Variants in DPP10 observed in about 807,000 individuals in gnomAD.
DPP10 encodes dipeptidyl peptidase like 10, also known as inactive dipeptidyl peptidase 10.
Under a neutral mutation model 120.9 loss-of-function variants are expected in DPP10, and 33 were observed. The observed-to-expected ratio is 0.27, with a 90% CI of 0.21 to 0.37. The LOEUF is 0.37. Among genes scored for constraint, DPP10 ranks in the 10% least tolerant of loss-of-function variants. DPP10 has a pLI of 1.00. For missense variants in DPP10, 816 were observed against 942.8 expected (o/e 0.87, Z 1.76); for synonymous variants, 337 against 326.1 (o/e 1.03, Z -0.36).
At chr2:114,851,071 C>T (rs1181022030) in intron 1 of DPP10, among the ~76,000 whole-genome samples, 2 of 152,166 alleles carry the variant, frequency 1.3e-5, no homozygotes, top group East Asian at 1.9e-4. Context: ...AATTTCGTAC[C>T]TTGACTCACT....
At chr2:114,452,456 C>G (rs112642633) in intron 1 of DPP10, among the ~76,000 whole-genome samples, 188 of 152,160 alleles carry the variant, frequency 1.2e-3, no homozygotes, top group African/African-American at 4.3e-3. Context: ...AATCATAAAA[C>G]TTTAAATATT....
chr2:115,834,423 G>T (rs1318565339), intron 21 of DPP10, among the ~76,000 whole-genome samples: 1 of 151,904 alleles, frequency 6.6e-6, no homozygotes, highest in Non-Finnish European at 1.5e-5. Flanking sequence ...CTCCCAAGAT[G>T]TTCTGATTTC....
At chr2:114,982,354 CA>C (rs938651251) in intron 1 of DPP10, among the ~76,000 whole-genome samples, 2 of 151,898 alleles carry the variant, frequency 1.3e-5, no homozygotes, top group Admixed American at 1.3e-4. Flanking sequence ...AGAGATTCTT[CA>C]ACTCTTCTTT....
intron 19 of DPP10, among the ~76,000 whole-genome samples, chr2:115,798,910 G>T (rs568977253): frequency 3.3e-5 from 5 of 151,964 alleles, no homozygotes; most frequent in African/African-American, 9.6e-5. Flanking sequence ...TGATCTAGCT[G>T]TAGCCTTCTT....
At chr2:115,581,706 C>A (rs1171013896) in intron 5 of DPP10, among the ~76,000 whole-genome samples, 1 of 151,996 alleles carries the variant, frequency 6.6e-6, no homozygotes, top group African/African-American at 2.4e-5. Flanking sequence ...AAGAAGACCC[C>A]CTGGTCATTT....
At chr2:115,209,508 A>G (rs1471911016) in intron 1 of DPP10, among the ~76,000 whole-genome samples, 1 of 152,166 alleles carries the variant, frequency 6.6e-6, no homozygotes, top group Non-Finnish European at 1.5e-5. Context: ...TAATAATCTC[A>G]TTCAGTTACC....
intron 1 of DPP10, among the ~76,000 whole-genome samples, chr2:114,566,138 A>C (rs953134669): frequency 1.3e-5 from 2 of 152,164 alleles, no homozygotes; most frequent in Non-Finnish European, 2.9e-5. Context: ...AATTATCAGA[A>C]GCGTTTTTTC....
chr2:114,949,965 A>G (rs1247361879), intron 1 of DPP10, among the ~76,000 whole-genome samples: 1 of 152,212 alleles, frequency 6.6e-6, no homozygotes, highest in Non-Finnish European at 1.5e-5. Flanking sequence ...TCCAGAGTAG[A>G]AAGCCACCAA....
intron 1 of DPP10, among the ~76,000 whole-genome samples, chr2:115,192,015 A>G (rs1559215200): frequency 6.6e-6 from 1 of 152,112 alleles, no homozygotes; most frequent in Non-Finnish European, 1.5e-5. Flanking sequence ...AACAGTTCAG[A>G]CTCTCAACAG....
At chr2:114,480,863 TAATAAA>T (rs1029987077) in intron 1 of DPP10, among the ~76,000 whole-genome samples, 19 of 150,832 alleles carry the variant, frequency 1.3e-4, no homozygotes, top group Non-Finnish European at 2.1e-4. Flanking sequence ...ATAATAATAA[TAATAAA>T]AAGTACACCC....
intron 1 of DPP10, among the ~76,000 whole-genome samples, chr2:115,060,282 G>A (rs918517884): frequency 6.6e-6 from 1 of 151,452 alleles, no homozygotes; most frequent in African/African-American, 2.4e-5. Context: ...ACGAAAGAAA[G>A]GATAGGTAGA....
At chr2:115,343,343 C>T (rs996332993) in intron 2 of DPP10, among the ~76,000 whole-genome samples, 6 of 152,134 alleles carry the variant, frequency 3.9e-5, no homozygotes, top group African/African-American at 1.2e-4. Context: ...GGTAATTACT[C>T]TATTTCCTTG....
intron 5 of DPP10, among the ~76,000 whole-genome samples, chr2:115,631,232 G>A (rs2085844693): frequency 6.6e-6 from 1 of 151,946 alleles, no homozygotes; most frequent in African/African-American, 2.4e-5. Context: ...AGCATTCTCT[G>A]ATGATTGTTT....
intron 1 of DPP10, among the ~76,000 whole-genome samples, chr2:115,099,837 T>C (rs774931666): frequency 9.2e-5 from 14 of 152,198 alleles, no homozygotes; most frequent in Non-Finnish European, 1.8e-4. Flanking sequence ...CTGAGTGTTG[T>C]AGGGTGTGAC....
intron 5 of DPP10, among the ~76,000 whole-genome samples, chr2:115,588,665 G>A (rs187845072): frequency 2.3e-3 from 353 of 152,332 alleles, no homozygotes; most frequent in Admixed American, 3.3e-3. Flanking sequence ...AAAGGCAAAT[G>A]CTTTTAGTAG....
intron 5 of DPP10, 118 bp from the exon 6 acceptor site, chr2:115,689,569 T>C (rs1358779527): frequency 3.5e-5 from 25 of 718,216 alleles, no homozygotes; most frequent in Admixed American, 1.6e-4. Flanking sequence ...GAATGTTTTA[T>C]ATTTTCATTT....
chr2:114,835,403 C>T (rs1199649440), intron 1 of DPP10: 2 of 152,068 alleles, frequency 1.3e-5, no homozygotes, highest in African/African-American at 4.8e-5. Flanking sequence ...GCCATATTTA[C>T]ACACCTATGT....
intron 1 of DPP10, among the ~76,000 whole-genome samples, chr2:115,171,033 C>T (rs2053280662): frequency 6.6e-6 from 1 of 152,154 alleles, no homozygotes; most frequent in Admixed American, 6.6e-5. Context: ...GAGCCATCGT[C>T]TGTCTAAGAG....
chr2:115,844,095 AG>A lies in DPP10; in HGVS notation c.*1751del, dbSNP rs1402015643. On this transcript the variant is annotated 3_prime_UTR_variant, in exon 26 of 26. Transcript: ENST00000410059. ...AATAGGAGAGGCTTTCTCTTCTGAA[AG>A]ATCCATTTTAGGTCTTTTTCAAGAA... 2 of 152,602 alleles carry A rather than the reference AG, an allele frequency of 1.3e-5. No individual in the cohort carries two copies. The highest frequency in any genetic ancestry group is 4.8e-5 in the African/African-American group (2 of 41,448). The allele number at this position is 152,602 out of a possible 1,614,324, so 9.5% of individuals were successfully genotyped here.
Sources: gnomAD v4.1 joint callset for allele counts (sites outside exome capture counted in the v4.1 genomes callset) on GRCh38, gnomAD v4.1.1 for gene constraint, MANE v1.5 for transcripts, NCBI Gene and HGNC (gene_info 2026-07-23, HGNC 2026-07-21) for gene names.